TCF3: variants seen among roughly 807,000 people sequenced by gnomAD.
TCF3 encodes transcription factor E2-alpha.
In TCF3, 54 loss-of-function variants were observed where a neutral mutation model predicts 72.3. The observed-to-expected ratio is 0.75, with a 90% CI of 0.60 to 0.94. The LOEUF (loss-of-function observed/expected upper bound fraction) is 0.94. Among genes scored for constraint, TCF3 ranks in the 40% least tolerant of loss-of-function variants. TCF3 has a pLI of 0.00. For synonymous variants in TCF3, 525 were observed against 412.6 expected (o/e 1.27, Z -3.30); for missense variants, 1,078 against 934.4 (o/e 1.15, Z -2.00).
intron 6 of TCF3, among the ~76,000 whole-genome samples, chr19:1,626,843 G>A (rs764499876): frequency 5.9e-5 from 9 of 152,258 alleles, no homozygotes; most frequent in Non-Finnish European, 8.8e-5. Context: ...TGACAAGGCC[G>A]AGCCCCACCG....
chr19:1,622,275 C>A, intron 9 of TCF3, 38 bp downstream of exon 9: 1 of 1,503,322 alleles, frequency 6.7e-7, no homozygotes. Context: ...CCCAGCCCTG[C>A]CCTACCGTCC....
At chr19:1,637,477 GA>G (rs1884511089) in intron 3 of TCF3, among the ~76,000 whole-genome samples, 1 of 152,206 alleles carries the variant, frequency 6.6e-6, no homozygotes, top group South Asian at 2.1e-4. Context: ...ACAACTCAGA[GA>G]AACAGGGCCC....
chr19:1,623,194 G>A (rs1044411224), intron 8 of TCF3, among the ~76,000 whole-genome samples: 1 of 152,054 alleles, frequency 6.6e-6, no homozygotes, highest in Non-Finnish European at 1.5e-5. Context: ...CACAGGCACT[G>A]GGCAGAGGGT....
At chr19:1,625,807 C>T (rs576967489) in intron 6 of TCF3, 99 bp from the exon 7 acceptor site, 127 of 1,368,792 alleles carry the variant, frequency 9.3e-5, no homozygotes, top group South Asian at 7.2e-4. Context: ...CACTCAGACC[C>T]GCCCTGCAGT....
intron 3 of TCF3, among the ~76,000 whole-genome samples, chr19:1,641,248 A>C (rs1162696274): frequency 6.6e-6 from 1 of 152,046 alleles, no homozygotes; most frequent in East Asian, 1.9e-4. Context: ...CCAGGGAATT[A>C]TGCTAACGTA....
chr19:1,620,124 C>T (rs1185932329), intron 13 of TCF3, among the ~76,000 whole-genome samples: 2 of 152,126 alleles, frequency 1.3e-5, no homozygotes, highest in Non-Finnish European at 2.9e-5. Flanking sequence ...TAAAGTGGCT[C>T]GGCAGCACAC....
At position 1,614,045 on chromosome 19, in the gene TCF3, C is replaced by G. The variant is rs2061307112; in HGVS notation, c.1822+1240G>C. 6.6e-6 allele frequency among the ~76,000 whole-genome samples: 1 copy of G among 152,278 alleles called. No homozygotes were observed. Among genetic ancestry groups the G allele is most frequent in the Non-Finnish European group, 1.5e-5 (1 of 68,052 alleles). On this transcript the variant is annotated intron_variant, in intron 18 of 18. Transcript: ENST00000262965. This position sits in a 1 kb window ranked among gnomAD's most constrained non-coding sequence, Gnocchi z 5.6. Reference sequence around the variant, plus strand: ...ATGGCCCTGCATGGGTGACCTCGCTCTGTTCCCTGGCTTCCTACTTGGTAG... The same window carrying G: ...ATGGCCCTGCATGGGTGACCTCGCTGTGTTCCCTGGCTTCCTACTTGGTAG...
rs773285289 is a variant in TCF3 at position 1,623,943 on chromosome 19, C to T, written c.549+8G>A. On this transcript the variant is annotated splice_region_variant and intron_variant, in intron 8 of 18. Coordinates refer to ENST00000262965, the MANE Select transcript of TCF3 (RefSeq NM_003200.5). The stretch of plus-strand genomic sequence containing the variant: ...GCTGTGGGGTCCCTTCTCCCTCGTG[C>T]GACTCACCGAGGATGGAAGACCCGG... 10 of 1,612,878 alleles carry T rather than the reference C, an allele frequency of 6.2e-6. No individual in the cohort carries two copies. The highest frequency in any genetic ancestry group is 3.3e-5 in the Admixed American group (2 of 59,974).
chr19:1,611,240 A>G lies in TCF3; in HGVS notation c.*467T>C, dbSNP rs140391605. The stretch of plus-strand genomic sequence containing the variant: ...GGCACAATTTGCTGGTGGCTTTAGA[A>G]GAATAAGCCAGGTTTCCACAGCATC... On this transcript the variant is annotated 3_prime_UTR_variant, in exon 19 of 19. Transcript: ENST00000262965. 2 of 297,980 alleles carry G rather than the reference A, an allele frequency of 6.7e-6. No homozygotes were observed. Among genetic ancestry groups the G allele is most frequent in the East Asian group, 1.0e-4 (2 of 19,792 alleles). 18.5% of individuals were successfully genotyped at this position (297,980 alleles called of 1,614,324 possible). A position where few individuals can be genotyped will look rare whatever the true frequency, so the allele number is the denominator to read the frequency against.
intron 18 of TCF3, 39 bp from the exon 19 acceptor site, chr19:1,611,888 A>C: frequency 7.8e-7 from 1 of 1,278,534 alleles, no homozygotes. Flanking sequence ...AGACGGTCCC[A>C]GGGAGGAGAA....
rs1332601286 is a variant in TCF3, at chr19:1,633,727, G to T, written c.146-1322C>A. ...GGCTGGGTTGGGGGCCAGGCAGGGG[G>T]CTCCTGTGGTCTCCAGGAATCCACA... On this transcript the variant is annotated intron_variant, in intron 3 of 18. Coordinates refer to ENST00000262965, the MANE Select transcript of TCF3 (RefSeq NM_003200.5). Among the ~76,000 whole-genome samples the T allele has an allele frequency of 3.3e-5, 5 of 152,164 alleles. No individual in the cohort carries two copies. The East Asian group carries it at 9.6e-4, about 29-fold the overall frequency.
chr19:1,642,692 C>T (rs1044850308), intron 3 of TCF3, among the ~76,000 whole-genome samples: 9 of 152,160 alleles, frequency 5.9e-5, no homozygotes, highest in African/African-American at 2.2e-4. Context: ...AGGCTGGTCT[C>T]GAACACCTAG....
At chr19:1,627,284 T>G in intron 6 of TCF3, 75 bp downstream of exon 6, 1 of 1,332,230 alleles carries the variant, frequency 7.5e-7, no homozygotes, top group South Asian at 1.3e-5. Context: ...CAGGAGAGCT[T>G]CTGCAGATCA....
rs1432959347 is a variant in TCF3, at chr19:1,624,018, G to A, written c.500-18C>T. 6 of 1,612,880 alleles carry A rather than the reference G, an allele frequency of 3.7e-6. No homozygotes were observed. The highest frequency in any genetic ancestry group is 3.3e-4 in the Middle Eastern group (2 of 6,058). On this transcript the variant is annotated intron_variant, in intron 7 of 18. Coordinates refer to ENST00000262965, the MANE Select transcript of TCF3 (RefSeq NM_003200.5). Reference sequence around the variant, plus strand: ...CTGCGTGTCTGTTAGAAGCAAAAGGGGTGAGAACCGGCCACCGGCCATGAG... The same window carrying A: ...CTGCGTGTCTGTTAGAAGCAAAAGGAGTGAGAACCGGCCACCGGCCATGAG...
chr19:1,619,860 G>C lies in TCF3; in HGVS notation c.1094-7C>G, dbSNP rs369484262. On this transcript the variant is annotated splice_polypyrimidine_tract_variant and splice_region_variant and intron_variant, in intron 13 of 18. Coordinates refer to ENST00000262965, the MANE Select transcript of TCF3 (RefSeq NM_003200.5). ...CGAGGCCACTGTGACGTTCCTGGAA[G>C]GGAGTGGGGACGTGAATGGGGTGCG... 1.9e-6 allele frequency: 3 copies of C among 1,574,718 alleles called. No homozygotes were observed. The Admixed American group carries it at 5.5e-5, about 29-fold the overall frequency.
chr19:1,619,759 T>TGGGGC lies in TCF3; in HGVS notation c.1167+16_1167+20dup, dbSNP rs368375107. The TGGGGC allele has an allele frequency of 1.6e-3, 775 of 484,096 alleles. 2 individuals are homozygous for TGGGGC. Among genetic ancestry groups the TGGGGC allele is most frequent in the East Asian group, 5.5e-3 (70 of 12,796 alleles). 30.0% of individuals were successfully genotyped at this position (484,096 alleles called of 1,614,324 possible). On this transcript the variant is annotated intron_variant, in intron 14 of 18. Transcript: ENST00000262965. ...CAAATTCTGTCGGGGAAGGGTGGGGTGGGGCGGGGCAGGCACTCACCAGGC... is the reference window on the plus strand; with the variant it reads ...CAAATTCTGTCGGGGAAGGGTGGGGTGGGGCGGGGCGGGGCAGGCACTCACCAGGC...
chr19:1,651,262 G>A (rs1298290587), intron 1 of TCF3: 2 of 226,522 alleles, frequency 8.8e-6, no homozygotes, highest in Admixed American at 1.1e-4. Flanking sequence ...TGGGGACGGG[G>A]GCAGCCCGGG....
chr19:1,646,333 T>A, intron 3 of TCF3, 22 bp downstream of exon 3: 1 of 1,549,600 alleles, frequency 6.5e-7, no homozygotes, highest in South Asian at 1.2e-5. Context: ...CCACGAGCGC[T>A]GGCAGGAAGG....
At chr19:1,645,135 C>G (rs1015268036) in intron 3 of TCF3, among the ~76,000 whole-genome samples, 1 of 152,076 alleles carries the variant, frequency 6.6e-6, no homozygotes, top group African/African-American at 2.4e-5. Context: ...GTACAGAACC[C>G]CCTTTGCCCA....
Sources: gnomAD v4.1 joint callset for allele counts (sites outside exome capture counted in the v4.1 genomes callset) on GRCh38, gnomAD v4.1.1 for gene constraint, Gnocchi (gnomAD v3.1) non-coding constraint, MANE v1.5 for transcripts, NCBI Gene and HGNC (gene_info 2026-07-23, HGNC 2026-07-21) for gene names.